The following CPSF2 variants were observed in gnomAD, a reference collection of about 807,000 sequenced individuals.
CPSF2 encodes cleavage and polyadenylation specificity factor subunit 2.
CPSF2 carries 51 observed loss-of-function variants against 84.2 expected under a neutral mutation model. That is an observed-to-expected ratio of 0.61 (90% CI 0.48 to 0.77). CPSF2 has a LOEUF of 0.77. Ranked by LOEUF, CPSF2 falls within the 30% of genes least tolerant of loss-of-function variation. CPSF2 has a pLI of 0.00. For missense variants in CPSF2, 641 were observed against 929.4 expected (o/e 0.69, Z 4.03); for synonymous variants, 286 against 311.9 (o/e 0.92, Z 0.87).
At chr14:92,124,922 G>C (rs896436112) in intron 1 of CPSF2, among the ~76,000 whole-genome samples, 1 of 152,128 alleles carries the variant, frequency 6.6e-6, no homozygotes, top group Admixed American at 6.6e-5. Context: ...TGTTGACAGA[G>C]CTGTTCTAGT....
intron 9 of CPSF2, among the ~76,000 whole-genome samples, chr14:92,147,635 CTA>C (rs1169137363): frequency 6.6e-6 from 1 of 152,160 alleles, no homozygotes; most frequent in Non-Finnish European, 1.5e-5. Context: ...AAAAAACCCA[CTA>C]TTTTCTGAAT....
chr14:92,131,247 G>T, intron 3 of CPSF2, 114 bp downstream of exon 3: 5 of 766,542 alleles, frequency 6.5e-6, no homozygotes, highest in African/African-American at 1.8e-5. Flanking sequence ...ATAGCAAAAG[G>T]CTTAATTTTA....
intron 7 of CPSF2, among the ~76,000 whole-genome samples, chr14:92,138,739 G>C (rs2069034314): frequency 6.6e-6 from 1 of 152,052 alleles, no homozygotes; most frequent in Admixed American, 6.6e-5. Context: ...CACAAGTATA[G>C]GTTTCTTAAT....
In CPSF2 at chr14:92,161,957, T is replaced by C; in HGVS notation, c.*213T>C. 2.4e-6 allele frequency: 1 copy of C among 414,620 alleles called. No homozygotes were observed. Among genetic ancestry groups the C allele is most frequent in the East Asian group, 4.7e-5 (1 of 21,334 alleles). 25.7% of individuals were successfully genotyped at this position (414,620 alleles called of 1,614,324 possible). On this transcript the variant is annotated 3_prime_UTR_variant, in exon 16 of 16. Transcript: ENST00000298875. ...TTGGCTTTCAGAGTGATAGAGCTCCTAACAGGTGTACAGGCCCAAGAGTTG... is the reference window on the plus strand; with the variant it reads ...TTGGCTTTCAGAGTGATAGAGCTCCCAACAGGTGTACAGGCCCAAGAGTTG...
chr14:92,123,449 A>G (rs1248213061), intron 1 of CPSF2, among the ~76,000 whole-genome samples: 1 of 151,946 alleles, frequency 6.6e-6, no homozygotes, highest in African/African-American at 2.4e-5. Flanking sequence ...CCCAGGCTGG[A>G]GTGCAGTGGT....
In CPSF2 at chr14:92,164,570, A is replaced by G. The variant is rs1194961262; in HGVS notation, c.*2826A>G. On this transcript the variant is annotated 3_prime_UTR_variant, in exon 16 of 16. Transcript: ENST00000298875. ...AGATCTTTGTTATTTAGAAGCAAGTATAGGTATAACGTGGACTATCAACTG... is the reference window on the plus strand; with the variant it reads ...AGATCTTTGTTATTTAGAAGCAAGTGTAGGTATAACGTGGACTATCAACTG... 6.6e-6 allele frequency: 1 copy of G among 152,274 alleles called. No homozygotes were observed. Among genetic ancestry groups the G allele is most frequent in the Non-Finnish European group, 1.5e-5 (1 of 68,058 alleles). 9.4% of individuals were successfully genotyped at this position (152,274 alleles called of 1,614,324 possible). A position where few individuals can be genotyped will look rare whatever the true frequency, so the allele number is the denominator to read the frequency against.
Position 92,166,225 on chromosome 14 carries a change from TTCTA to T in CPSF2, c.*4486_*4489del, listed in dbSNP as rs1292656562. ...TCACGAAGGTTTACACTTAATTTTT[TTCTA>T]TCTAAAAAACCATTGCTTCATCTAA... On this transcript the variant is annotated 3_prime_UTR_variant, in exon 16 of 16. Coordinates refer to ENST00000298875, the MANE Select transcript of CPSF2 (RefSeq NM_017437.3). The T allele has an allele frequency of 6.6e-6, 1 of 152,182 alleles. No individual in the cohort carries two copies. The highest frequency in any genetic ancestry group is 2.4e-5 in the African/African-American group (1 of 41,454). The allele number at this position is 152,182 out of a possible 1,614,324, so 9.4% of individuals were successfully genotyped here. A position where few individuals can be genotyped will look rare whatever the true frequency, so the allele number is the denominator to read the frequency against.
intron 5 of CPSF2, among the ~76,000 whole-genome samples, chr14:92,134,862 C>G (rs12879355): frequency 0.2 from 30,396 of 152,114 alleles, 3,405 homozygotes; most frequent in East Asian, 0.53. Flanking sequence ...TGAACCCTGG[C>G]ATTGATAAAA....
At position 92,131,044 on chromosome 14, in the gene CPSF2, C is replaced by A. The variant is rs1567016758; in HGVS notation, c.60C>A (p.Cys20Ter). ...LSGVQEESAL[C>*]YLLQVDEFRF... ...GGGTCCAAGAAGAATCTGCCCTTTG[C>A]TATCTTCTCCAAGTTGATGAGTTTA... Residue 20 changes from cysteine (C) to a stop codon, truncating the protein, a stop_gained, in exon 3 of 16, where the codon TGC becomes TGA. Transcript: ENST00000298875. LOFTEE classifies it high-confidence loss of function. 1 of 1,612,670 alleles carries A rather than the reference C, an allele frequency of 6.2e-7. No individual in the cohort carries two copies. Among genetic ancestry groups the A allele is most frequent in the Non-Finnish European group, 8.5e-7 (1 of 1,179,306 alleles).
intron 15 of CPSF2, among the ~76,000 whole-genome samples, 184 bp from the exon 16 acceptor site, chr14:92,161,468 G>C (rs1294439269): frequency 1.3e-5 from 2 of 152,080 alleles, no homozygotes; most frequent in Non-Finnish European, 2.9e-5. Context: ...TTAATTATTT[G>C]AATCTTCTGA....
At chr14:92,147,850 A>AT (rs1363043043) in intron 9 of CPSF2, among the ~76,000 whole-genome samples, 1 of 152,124 alleles carries the variant, frequency 6.6e-6, no homozygotes, top group Non-Finnish European at 1.5e-5. Flanking sequence ...AAGCCTCCCA[A>AT]TTAGTTCGCA....
rs2069498235 is a variant in CPSF2, at chr14:92,169,999, T to A, written c.*8255T>A. The A allele has an allele frequency of 6.6e-6, 1 of 151,808 alleles. No homozygotes were observed. The highest frequency in any genetic ancestry group is 2.4e-5 in the African/African-American group (1 of 41,310). The allele number at this position is 151,808 out of a possible 1,614,324, so 9.4% of individuals were successfully genotyped here. A position where few individuals can be genotyped will look rare whatever the true frequency, so the allele number is the denominator to read the frequency against. ...TTAAAAATCAGAAAAATTGGCCAGG[T>A]GTGGTGGCTCATGCCTGTAGTCCCA... On this transcript the variant is annotated 3_prime_UTR_variant, in exon 16 of 16. Coordinates refer to ENST00000298875, the MANE Select transcript of CPSF2 (RefSeq NM_017437.3).
Position 92,161,686 on chromosome 14 carries a change from T to C in CPSF2, c.2291T>C (p.Leu764Pro). ...GGACGCATTGGATTAGAAGGCTGCC[T>C]TTGTCAAGATTTTTATAGGATAAGA... ...ETGRIGLEGC[L>P]CQDFYRIRDL... is the part of the protein sequence containing the mutation. Residue 764 changes from leucine to proline, a missense_variant, in exon 16 of 16, where the codon CTT becomes CCT. Physicochemically the swap from Leu to Pro is moderately conservative, Grantham distance 98. This residue lies in a region of CPSF2 where 430 missense variants were observed against 553.6 expected (regional missense o/e 0.78). Transcript: ENST00000298875. 1 of 1,595,454 alleles carries C rather than the reference T, an allele frequency of 6.3e-7. No individual in the cohort carries two copies. The highest frequency in any genetic ancestry group is 8.5e-7 in the Non-Finnish European group (1 of 1,174,404).
chr14:92,161,145 C>T lies in CPSF2; in HGVS notation c.2155C>T (p.Pro719Ser). ...PGHQSVFMNE[P>S]RLSDFKQVLL... Reference sequence around the variant, plus strand: ...ACATCAGTCAGTTTTTATGAATGAACCAAGGCTGTCAGACTTCAAGCAAGT... The same window carrying T: ...ACATCAGTCAGTTTTTATGAATGAATCAAGGCTGTCAGACTTCAAGCAAGT... The change falls in exon 15 of 16, where the codon CCA (proline) becomes TCA (serine). Residue 719 changes from proline to serine, a missense_variant. Pro to Ser is a moderately conservative substitution (Grantham distance 74). Transcript: ENST00000298875. 1.2e-6 allele frequency: 2 copies of T among 1,613,810 alleles called. No homozygotes were observed. Among genetic ancestry groups the T allele is most frequent in the Non-Finnish European group, 1.7e-6 (2 of 1,179,888 alleles).
chr14:92,155,412 T>G, intron 11 of CPSF2, 89 bp downstream of exon 11: 1 of 1,094,506 alleles, frequency 9.1e-7, no homozygotes, highest in Non-Finnish European at 1.4e-6. Flanking sequence ...ATCTTTCACT[T>G]GATCTTTCTA....
intron 7 of CPSF2, among the ~76,000 whole-genome samples, chr14:92,140,748 CA>C (rs568158522): frequency 6.7e-6 from 1 of 149,736 alleles, no homozygotes; most frequent in Non-Finnish European, 1.5e-5. Context: ...CCCATCTCTA[CA>C]AAAAAAAAGA....
intron 7 of CPSF2, among the ~76,000 whole-genome samples, chr14:92,140,775 G>A (rs929097915): frequency 3.9e-5 from 6 of 151,982 alleles, no homozygotes; most frequent in East Asian, 1.9e-4. Flanking sequence ...TTTGCCAGAC[G>A]TGGTGGTACA....
Position 92,159,173 on chromosome 14 carries a change from G to A in CPSF2, c.2012G>A (p.Ser671Asn). 2 of 1,614,054 alleles carry A rather than the reference G, an allele frequency of 1.2e-6. No homozygotes were observed. The highest frequency in any genetic ancestry group is 1.7e-6 in the Non-Finnish European group (2 of 1,179,970). Residue 671 changes from serine to asparagine, a missense_variant, in exon 14 of 16, where the codon AGC (serine) becomes AAC (asparagine). By Grantham distance (46) the Ser-to-Asn change is conservative. Transcript: ENST00000298875. ...EMQVEAPSDS[S>N]VIAQQKAMKS... ...CAAGTGGAAGCTCCCTCAGATTCTA[G>A]CGTTATAGCACAACAAAAGGCCATG...
rs745544414 is a variant in CPSF2 at position 92,131,046 on chromosome 14, A to C, written c.62A>C (p.Tyr21Ser). ...GTCCAAGAAGAATCTGCCCTTTGCT[A>C]TCTTCTCCAAGTTGATGAGTTTAGA... ...SGVQEESALC[Y>S]LLQVDEFRFL... Residue 21 changes from tyrosine (Y) to serine (S), a missense_variant, in exon 3 of 16, where the codon TAT becomes TCT. Tyr to Ser is a moderately radical substitution (Grantham distance 144). This residue lies in a region of CPSF2 where 211 missense variants were observed against 375.7 expected (regional missense o/e 0.56). Coordinates refer to ENST00000298875, the MANE Select transcript of CPSF2 (RefSeq NM_017437.3). 3.7e-6 allele frequency: 6 copies of C among 1,612,918 alleles called. No homozygotes were observed. The highest frequency in any genetic ancestry group is 5.1e-6 in the Non-Finnish European group (6 of 1,179,446).
Sources: gnomAD v4.1 joint callset for allele counts (sites outside exome capture counted in the v4.1 genomes callset) on GRCh38, gnomAD v4.1.1 for gene constraint, gnomAD v4.1.1 regional missense constraint, MANE v1.5 for transcripts, NCBI Gene and HGNC (gene_info 2026-07-23, HGNC 2026-07-21) for gene names.